DOK6: variants seen among roughly 807,000 people sequenced by gnomAD.
DOK6 encodes downstream of tyrosine kinase 6.
Under a neutral mutation model 44.0 loss-of-function variants are expected in DOK6, and 22 were observed. The ratio of observed to expected loss-of-function variants is 0.50; its 90% CI spans 0.36 to 0.71. The LOEUF (loss-of-function observed/expected upper bound fraction) is 0.71. Ranked by LOEUF, DOK6 falls within the 30% of genes least tolerant of loss-of-function variation. DOK6 has a pLI of 0.00. For synonymous variants in DOK6, 166 were observed against 145.5 expected (o/e 1.14, Z -1.01); for missense variants, 340 against 416.4 (o/e 0.82, Z 1.60).
intron 1 of DOK6, among the ~76,000 whole-genome samples, chr18:69,561,943 C>T (rs1191129522): frequency 1.3e-5 from 2 of 152,082 alleles, no homozygotes; most frequent in African/African-American, 4.8e-5. Context: ...GACAACTTTG[C>T]AATTTAAATG....
intron 1 of DOK6, among the ~76,000 whole-genome samples, chr18:69,553,590 G>A (rs1568294751): frequency 6.6e-6 from 1 of 152,102 alleles, no homozygotes; most frequent in African/African-American, 2.4e-5. Context: ...CTGTGCTGTA[G>A]CCAGGATTGT....
intron 3 of DOK6, among the ~76,000 whole-genome samples, chr18:69,605,327 C>T (rs1313845865): frequency 1.3e-5 from 2 of 152,118 alleles, no homozygotes; most frequent in East Asian, 3.9e-4. Flanking sequence ...ACTGACCTGT[C>T]CGTTTAACCA....
At chr18:69,530,544 G>A (rs1209872013) in intron 1 of DOK6, among the ~76,000 whole-genome samples, 1 of 151,928 alleles carries the variant, frequency 6.6e-6, no homozygotes, top group Non-Finnish European at 1.5e-5. Flanking sequence ...CAAGAAAGAT[G>A]AGAAGTATCA....
chr18:69,830,021 A>G (rs1437660250), intron 7 of DOK6, among the ~76,000 whole-genome samples: 1 of 152,262 alleles, frequency 6.6e-6, no homozygotes, highest in East Asian at 1.9e-4. Flanking sequence ...ATTACATGCC[A>G]TATTTAATCA....
chr18:69,752,923 G>A (rs993683211), intron 6 of DOK6, among the ~76,000 whole-genome samples: 1 of 152,196 alleles, frequency 6.6e-6, no homozygotes, highest in African/African-American at 2.4e-5. Context: ...GGGGCTGCTA[G>A]CAACCCTGCC....
chr18:69,612,553 G>T (rs1007571686), intron 3 of DOK6, among the ~76,000 whole-genome samples: 1 of 126,910 alleles, frequency 7.9e-6, no homozygotes, highest in Non-Finnish European at 1.7e-5. Context: ...TCACCCAACC[G>T]ACTCCTACAT....
chr18:69,819,557 A>G (rs544567006), intron 7 of DOK6, among the ~76,000 whole-genome samples: 44 of 152,162 alleles, frequency 2.9e-4, no homozygotes, highest in Non-Finnish European at 5.7e-4. Flanking sequence ...CCTTCTTGAG[A>G]AATTTTTAAG....
At chr18:69,526,012 ATTATT>A (rs1981821261) in intron 1 of DOK6, among the ~76,000 whole-genome samples, 1 of 152,114 alleles carries the variant, frequency 6.6e-6, no homozygotes. Context: ...ATATAAATAT[ATTATT>A]TTAAAATACA....
chr18:69,738,926 C>T (rs746573240), intron 5 of DOK6, 39 bp from the exon 6 acceptor site: 14 of 1,609,458 alleles, frequency 8.7e-6, no homozygotes, highest in African/African-American at 4.0e-5. Context: ...CACTTGAACA[C>T]ATGGAGACCC....
chr18:69,738,068 CT>C (rs1978673890), intron 5 of DOK6, among the ~76,000 whole-genome samples: 1 of 152,194 alleles, frequency 6.6e-6, no homozygotes, highest in Non-Finnish European at 1.5e-5. Flanking sequence ...TTCAGAGAAG[CT>C]AAGTGCTGGC....
At chr18:69,686,138 G>A (rs1315960643) in intron 4 of DOK6, among the ~76,000 whole-genome samples, 1 of 151,986 alleles carries the variant, frequency 6.6e-6, no homozygotes, top group Non-Finnish European at 1.5e-5. Context: ...GATATAGGAA[G>A]AAAATGGCCC....
intron 1 of DOK6, among the ~76,000 whole-genome samples, chr18:69,522,946 G>T (rs1981729066): frequency 6.6e-6 from 1 of 152,060 alleles, no homozygotes; most frequent in African/African-American, 2.4e-5. Flanking sequence ...GGAGCCAGTT[G>T]TTGAGTGTGC....
chr18:69,597,762 T>A (rs900142624), intron 2 of DOK6, among the ~76,000 whole-genome samples: 3 of 149,246 alleles, frequency 2.0e-5, no homozygotes, highest in Non-Finnish European at 4.4e-5. Context: ...CTGCTCAACC[T>A]CAGCTGGAAG....
intron 3 of DOK6, among the ~76,000 whole-genome samples, chr18:69,634,914 A>G (rs1984768439): frequency 6.6e-6 from 1 of 152,082 alleles, no homozygotes; most frequent in Non-Finnish European, 1.5e-5. Context: ...CTTCTCAGTA[A>G]ACTCTTTCGA....
At chr18:69,578,188 T>C (rs180752106) in intron 2 of DOK6, among the ~76,000 whole-genome samples, 48 of 152,342 alleles carry the variant, frequency 3.2e-4, no homozygotes, top group African/African-American at 1.1e-3. Context: ...TATTCCACTT[T>C]TTAAATTTAT....
intron 1 of DOK6, among the ~76,000 whole-genome samples, chr18:69,463,686 G>T (rs1599143015): frequency 6.6e-6 from 1 of 151,362 alleles, no homozygotes; most frequent in Non-Finnish European, 1.5e-5. Context: ...TGCATGTGTG[G>T]GTGTCTATGT....
chr18:69,430,011 A>G (rs1231386880), intron 1 of DOK6, among the ~76,000 whole-genome samples: 1 of 152,114 alleles, frequency 6.6e-6, no homozygotes, highest in Non-Finnish European at 1.5e-5. Flanking sequence ...ATAAAGGGTT[A>G]TGCAGCTGCT....
chr18:69,627,672 A>T (rs138150367), intron 3 of DOK6, among the ~76,000 whole-genome samples: 1,616 of 152,096 alleles, frequency 0.011, 20 homozygotes, highest in Middle Eastern at 0.027. Flanking sequence ...GATGGTCTCG[A>T]TCTCCTGACC....
intron 1 of DOK6, among the ~76,000 whole-genome samples, chr18:69,401,973 G>A (rs1170319441): frequency 6.6e-6 from 1 of 152,154 alleles, no homozygotes; most frequent in African/African-American, 2.4e-5. Context: ...TGAGAGATGC[G>A]CTGCCTGGCT....
Sources: allele counts gnomAD v4.1 joint callset (sites outside exome capture counted in the v4.1 genomes callset), GRCh38; gene constraint gnomAD v4.1.1; transcripts MANE v1.5; gene names NCBI Gene and HGNC (gene_info 2026-07-23, HGNC 2026-07-21).